The following DYTN variants were observed in gnomAD, a reference collection of about 807,000 sequenced individuals.
The protein encoded by DYTN is dystrotelin.
DYTN carries 75 observed loss-of-function variants against 69.6 expected under a neutral mutation model. That is an observed-to-expected ratio of 1.08 (90% CI 0.89 to 1.31). DYTN has a LOEUF of 1.31. DYTN is among the 50% of genes most tolerant of loss of function. DYTN has a pLI of 0.00. For synonymous variants in DYTN, 252 were observed against 249.1 expected (o/e 1.01, Z -0.11); for missense variants, 726 against 688.4 (o/e 1.05, Z -0.61).
intron 1 of DYTN, among the ~76,000 whole-genome samples, chr2:206,713,174 T>C (rs1273269404): frequency 6.6e-6 from 1 of 152,286 alleles, no homozygotes; most frequent in Non-Finnish European, 1.5e-5. Flanking sequence ...TCAAAATATG[T>C]GTATCTCGTG....
chr2:206,681,971 C>G lies in DYTN; in HGVS notation c.980+11204G>C, dbSNP rs564095643. Among the ~76,000 whole-genome samples the G allele has an allele frequency of 3.3e-5, 5 of 152,200 alleles. No individual in the cohort carries two copies. In the East Asian group the frequency reaches 9.7e-4, roughly 29 times the overall value. ...GAATGGTACCAGCTCCTCTTTGTAC[C>G]TCTGGTAGAATTCGGCTGTGAATCT... On this transcript the variant is annotated intron_variant, in intron 9 of 11. Coordinates refer to ENST00000452335, the MANE Select transcript of DYTN (RefSeq NM_001093730.1).
intron 9 of DYTN, among the ~76,000 whole-genome samples, chr2:206,692,272 A>AG (rs1478749678): frequency 1.3e-5 from 2 of 152,076 alleles, no homozygotes; most frequent in Admixed American, 1.3e-4. Context: ...CTCTAAAAAA[A>AG]AAAAAAAAAA....
chr2:206,704,840 T>A lies in DYTN; in HGVS notation c.483+3A>T. The A allele has an allele frequency of 6.2e-7, 1 of 1,612,412 alleles. No homozygotes were observed. Among genetic ancestry groups the A allele is most frequent in the Non-Finnish European group, 8.5e-7 (1 of 1,179,066 alleles). ...GTACAGTTCTTAAGTATTAGGAATTTACCTGCTGTAGATCTGTTAGTAGTT... is the reference window on the plus strand; with the variant it reads ...GTACAGTTCTTAAGTATTAGGAATTAACCTGCTGTAGATCTGTTAGTAGTT... On this transcript the variant is annotated splice_donor_region_variant and intron_variant, in intron 5 of 11. Coordinates refer to ENST00000452335, the MANE Select transcript of DYTN (RefSeq NM_001093730.1).
chr2:206,682,675 C>T (rs146881639), intron 9 of DYTN, among the ~76,000 whole-genome samples: 2 of 152,142 alleles, frequency 1.3e-5, no homozygotes, highest in South Asian at 2.1e-4. Context: ...ATCTCCAGTA[C>T]AGACCCTTTT....
chr2:206,655,555 A>G (rs1418388404), intron 11 of DYTN, among the ~76,000 whole-genome samples: 10 of 151,748 alleles, frequency 6.6e-5, no homozygotes. Flanking sequence ...GACTGCAGGC[A>G]CGTACCAACA....
rs1699913241 is a variant in DYTN at position 206,695,761 on chromosome 2, A to AGT, written c.720-886_720-885dup. Among the ~76,000 whole-genome samples the AGT allele has an allele frequency of 2.6e-5, 4 of 152,182 alleles. No individual in the cohort carries two copies. In the South Asian group the frequency reaches 8.3e-4, roughly 31 times the overall value. On this transcript the variant is annotated intron_variant, in intron 7 of 11. Coordinates refer to ENST00000452335, the MANE Select transcript of DYTN (RefSeq NM_001093730.1). Reference sequence around the variant, plus strand: ...TATGTAAATTCTCTTCTCTAACTGCAGTGTGTGTGGTATAAAACTCTGTCC... The same window carrying AGT: ...TATGTAAATTCTCTTCTCTAACTGCAGTGTGTGTGTGGTATAAAACTCTGTCC...
At chr2:206,707,280 A>G in intron 3 of DYTN, 22 bp downstream of exon 3, 4 of 1,604,078 alleles carry the variant, frequency 2.5e-6, no homozygotes, top group Non-Finnish European at 3.4e-6. Flanking sequence ...TTGAGGTCAC[A>G]GCGCGACGTC....
intron 8 of DYTN, 145 bp from the exon 9 acceptor site, chr2:206,693,468 T>G: frequency 9.2e-7 from 1 of 1,092,354 alleles, no homozygotes; most frequent in Non-Finnish European, 1.3e-6. Flanking sequence ...CTCCTTCTTG[T>G]CCCTGAATTT....
At chr2:206,703,107 G>T (rs925391545) in intron 5 of DYTN, among the ~76,000 whole-genome samples, 1 of 152,108 alleles carries the variant, frequency 6.6e-6, no homozygotes, top group African/African-American at 2.4e-5. Context: ...GTGCGGGTAG[G>T]GGCGGAGTGC....
rs71410894 is a variant in DYTN, at chr2:206,667,697, C to CGTGTGTGTGTGT, written c.981-1680_981-1669dup. Among the ~76,000 whole-genome samples the CGTGTGTGTGTGT allele has an allele frequency of 1.0e-3, 145 of 144,120 alleles. 1 individual carries two copies. The highest frequency in any genetic ancestry group is 3.0e-3 in the African/African-American group (117 of 39,396). The allele number at this position is 144,120 out of a possible 152,430, so 94.5% of individuals were successfully genotyped here. A position where few individuals can be genotyped will look rare whatever the true frequency, so the allele number is the denominator to read the frequency against. ...ATTTATTCTGGCAACTTTGCGTGTG[C>CGTGTGTGTGTGT]GTGTGTGTGTGTGTGTGTGTGTGTG... On this transcript the variant is annotated intron_variant, in intron 9 of 11. Transcript: ENST00000452335.
At position 206,708,500 on chromosome 2, in the gene DYTN, A is replaced by G. The variant is rs1700048551; in HGVS notation, c.95-997T>C. On this transcript the variant is annotated intron_variant, in intron 2 of 11. Coordinates refer to ENST00000452335, the MANE Select transcript of DYTN (RefSeq NM_001093730.1). ...CTTTTAAGAGGAGAGTCTAAGGAAC[A>G]GAGGAACAAGTTTCAGAATGTGACT... Among the ~76,000 whole-genome samples, 3 of 152,248 alleles carry G rather than the reference A, an allele frequency of 2.0e-5. No homozygotes were observed. In the South Asian group the frequency reaches 6.2e-4, roughly 32 times the overall value.
rs899086536 is a variant in DYTN, at chr2:206,707,510, G to T, written c.95-7C>A. ...GAGCTGTCAATCAAGTCCACTGTAGGAAGCAAATGAAGAATTGAGCCTTAT... is the reference window on the plus strand; with the variant it reads ...GAGCTGTCAATCAAGTCCACTGTAGTAAGCAAATGAAGAATTGAGCCTTAT... On this transcript the variant is annotated splice_polypyrimidine_tract_variant and splice_region_variant and intron_variant, in intron 2 of 11. Transcript: ENST00000452335. The T allele has an allele frequency of 6.2e-7, 1 of 1,601,616 alleles. No homozygotes were observed. Among genetic ancestry groups the T allele is most frequent in the South Asian group, 1.1e-5 (1 of 88,432 alleles).
intron 9 of DYTN, among the ~76,000 whole-genome samples, chr2:206,669,783 A>G (rs981348625): frequency 6.6e-6 from 1 of 152,100 alleles, no homozygotes; most frequent in Admixed American, 6.5e-5. Context: ...TAATATTTAA[A>G]TTATTTTGAT....
chr2:206,702,684 A>G (rs1013954103), intron 5 of DYTN, among the ~76,000 whole-genome samples: 1 of 152,196 alleles, frequency 6.6e-6, no homozygotes, highest in Non-Finnish European at 1.5e-5. Flanking sequence ...GCCCTGGGAA[A>G]GGAGTTTTAC....
chr2:206,699,435 C>T (rs1010783281), intron 7 of DYTN, among the ~76,000 whole-genome samples: 1 of 152,024 alleles, frequency 6.6e-6, no homozygotes, highest in Non-Finnish European at 1.5e-5. Context: ...TCTCTAAAAA[C>T]AAAATAAAGC....
intron 11 of DYTN, among the ~76,000 whole-genome samples, chr2:206,661,966 A>G (rs1574586743): frequency 6.6e-6 from 1 of 152,184 alleles, no homozygotes; most frequent in East Asian, 1.9e-4. Flanking sequence ...TAATACTTCA[A>G]ATTTTGAATT....
intron 10 of DYTN, among the ~76,000 whole-genome samples, chr2:206,664,624 T>C (rs1364308071): frequency 2.0e-5 from 3 of 152,208 alleles, no homozygotes; most frequent in South Asian, 2.1e-4. Context: ...ATCCTGCCAC[T>C]GTACTCCAGC....
chr2:206,705,715 G>T, intron 4 of DYTN, 73 bp downstream of exon 4: 2 of 1,363,896 alleles, frequency 1.5e-6, no homozygotes, highest in South Asian at 1.2e-5. Context: ...CCTTGTGGCA[G>T]GGATATAGGA....
intron 11 of DYTN, among the ~76,000 whole-genome samples, chr2:206,658,143 T>A (rs892252487): frequency 6.6e-6 from 1 of 152,104 alleles, no homozygotes; most frequent in Non-Finnish European, 1.5e-5. Context: ...AACACTTCTA[T>A]TGAAATTTTT....
Sources: gnomAD v4.1 joint callset for allele counts (sites outside exome capture counted in the v4.1 genomes callset) on GRCh38, gnomAD v4.1.1 for gene constraint, MANE v1.5 for transcripts, NCBI Gene and HGNC (gene_info 2026-07-23, HGNC 2026-07-21) for gene names.